The following LRRC4C variants were observed in gnomAD, a reference collection of about 807,000 sequenced individuals.
LRRC4C encodes leucine-rich repeat-containing protein 4C.
Under a neutral mutation model 33.6 loss-of-function variants are expected in LRRC4C, and 5 were observed. The ratio of observed to expected loss-of-function variants is 0.15; its 90% CI spans 0.08 to 0.31. The LOEUF (loss-of-function observed/expected upper bound fraction) is 0.31. Among genes scored for constraint, LRRC4C ranks in the 10% least tolerant of loss-of-function variants. The probability of loss-of-function intolerance (pLI) is 1.00; values close to 1 mark genes in which losing one functional copy is unlikely to be tolerated. For missense variants in LRRC4C, 560 were observed against 796.7 expected, an observed-to-expected ratio of 0.70 and a Z score of 3.58; for synonymous variants, 329 against 302.0, an observed-to-expected ratio of 1.09 and a Z score of -0.93.
At chr11:41,370,078 G>A (rs1311234215) in intron 1 of LRRC4C, among the ~76,000 whole-genome samples, 1 of 152,176 alleles carries the variant, frequency 6.6e-6, no homozygotes, top group African/African-American at 2.4e-5. Flanking sequence ...TATATCACAT[G>A]CATTAACATA....
chr11:40,623,080 C>A (rs971888199), intron 3 of LRRC4C, among the ~76,000 whole-genome samples: 1 of 151,500 alleles, frequency 6.6e-6, no homozygotes. Context: ...ACTACAGGAG[C>A]TCTATGTTGT....
chr11:40,547,418 G>A (rs1393304699), intron 3 of LRRC4C, among the ~76,000 whole-genome samples: 1 of 152,028 alleles, frequency 6.6e-6, no homozygotes, highest in Non-Finnish European at 1.5e-5. Flanking sequence ...TGGTACGCAA[G>A]GGTTACAAGC....
chr11:40,266,784 A>G (rs943624711), intron 4 of LRRC4C, among the ~76,000 whole-genome samples: 8 of 152,202 alleles, frequency 5.3e-5, no homozygotes, highest in Non-Finnish European at 8.8e-5. Context: ...AGCTTGCCCA[A>G]TGGAGTATAG....
At chr11:40,365,335 A>T (rs1948159040) in intron 3 of LRRC4C, among the ~76,000 whole-genome samples, 1 of 152,124 alleles carries the variant, frequency 6.6e-6, no homozygotes, top group African/African-American at 2.4e-5. Flanking sequence ...TACACTAAAA[A>T]TATGAAGTCA....
intron 2 of LRRC4C, among the ~76,000 whole-genome samples, chr11:40,668,062 T>C (rs2136252528): frequency 6.6e-6 from 1 of 152,344 alleles, no homozygotes; most frequent in Non-Finnish European, 1.5e-5. Context: ...GCCCCCACTG[T>C]GAATAAATTG....
chr11:41,408,925 C>T (rs1235664308), intron 1 of LRRC4C, among the ~76,000 whole-genome samples: 4 of 152,054 alleles, frequency 2.6e-5, no homozygotes, highest in South Asian at 2.1e-4. Context: ...TGATCACAGG[C>T]GACTTCATTA....
At chr11:40,170,287 A>C (rs1859936481) in intron 5 of LRRC4C, among the ~76,000 whole-genome samples, 1 of 152,208 alleles carries the variant, frequency 6.6e-6, no homozygotes, top group African/African-American at 2.4e-5. Flanking sequence ...AGAGTTGCAC[A>C]TTAACTTGGA....
chr11:41,351,104 G>A (rs896225813), intron 1 of LRRC4C, among the ~76,000 whole-genome samples: 8 of 152,208 alleles, frequency 5.3e-5, no homozygotes, highest in Middle Eastern at 3.4e-3. Flanking sequence ...ACCATGGTGT[G>A]TGCCTTTAAT....
rs138518129 is a variant in LRRC4C at position 40,436,883 on chromosome 11, T to C, written c.-269-117162A>G. ...TCTGGTTGCTTACTGATCGAAAGCC[T>C]GACTGAGAGGCTGTTAGAGATGTAA... On this transcript the variant is annotated intron_variant, in intron 3 of 6. Coordinates refer to ENST00000528697, the MANE Select transcript of LRRC4C (RefSeq NM_001258419.2). Among the ~76,000 whole-genome samples the C allele has an allele frequency of 3.5e-3, 531 of 152,156 alleles. 3 individuals are homozygous for C. Among genetic ancestry groups the C allele is most frequent in the Non-Finnish European group, 5.3e-3 (358 of 67,990 alleles).
rs1251250387 is a variant in LRRC4C, at chr11:41,437,726, G to C, written c.-496+21705C>G. 2.0e-5 allele frequency among the ~76,000 whole-genome samples: 3 copies of C among 152,084 alleles called. No individual in the cohort carries two copies. In the East Asian group the frequency reaches 5.8e-4, roughly 29 times the overall value. On this transcript the variant is annotated intron_variant, in intron 1 of 6. Coordinates refer to ENST00000528697, the MANE Select transcript of LRRC4C (RefSeq NM_001258419.2). ...CTTTTTTGCGCTAAAGAGTATGTTG[G>C]ACCTGGGGGCAAAAGATAATTACAA... is the stretch of plus-strand genomic sequence containing the variant.
intron 1 of LRRC4C, among the ~76,000 whole-genome samples, chr11:40,961,149 G>T (rs1277190115): frequency 6.6e-6 from 1 of 151,714 alleles, no homozygotes; most frequent in Non-Finnish European, 1.5e-5. Flanking sequence ...AGCTGTATAA[G>T]TTATTACAAA....
intron 1 of LRRC4C, among the ~76,000 whole-genome samples, chr11:41,425,967 T>A (rs80185249): frequency 6.6e-6 from 1 of 152,122 alleles, no homozygotes; most frequent in Admixed American, 6.6e-5. Context: ...CAGTCACATA[T>A]TGTAGAAAGC....
intron 3 of LRRC4C, among the ~76,000 whole-genome samples, chr11:40,355,627 C>T (rs1167973432): frequency 6.6e-6 from 1 of 152,166 alleles, no homozygotes; most frequent in Non-Finnish European, 1.5e-5. Context: ...TTAAGTTCCA[C>T]ACACAATGCA....
At chr11:40,755,816 AC>A (rs1457418990) in intron 2 of LRRC4C, among the ~76,000 whole-genome samples, 1 of 152,220 alleles carries the variant, frequency 6.6e-6, no homozygotes, top group Admixed American at 6.5e-5. Context: ...CAAAATAAAA[AC>A]AAGATTTGAG....
chr11:40,768,641 T>C (rs1281092546), intron 2 of LRRC4C, among the ~76,000 whole-genome samples: 1 of 152,134 alleles, frequency 6.6e-6, no homozygotes, highest in Non-Finnish European at 1.5e-5. Flanking sequence ...TCATTCACTA[T>C]GACCAAGTGG....
intron 2 of LRRC4C, among the ~76,000 whole-genome samples, chr11:40,825,951 C>T (rs113926941): frequency 5.9e-4 from 7 of 11,904 alleles, no homozygotes; most frequent in Admixed American, 3.3e-3. Flanking sequence ...GGGGGGGGGG[C>T]GTCTCACATA....
At chr11:40,963,376 A>G (rs985072628) in intron 1 of LRRC4C, among the ~76,000 whole-genome samples, 2 of 151,758 alleles carry the variant, frequency 1.3e-5, no homozygotes, top group African/African-American at 4.8e-5. Context: ...TCCTCAAATA[A>G]GTCTCATCAA....
chr11:41,293,090 T>C (rs147025013), intron 1 of LRRC4C, among the ~76,000 whole-genome samples: 81 of 152,278 alleles, frequency 5.3e-4, no homozygotes, highest in African/African-American at 1.9e-3. Context: ...TAGAGGGACA[T>C]TGAATCCCAG....
At chr11:40,448,172 T>C (rs906349656) in intron 3 of LRRC4C, among the ~76,000 whole-genome samples, 1 of 152,158 alleles carries the variant, frequency 6.6e-6, no homozygotes, top group Non-Finnish European at 1.5e-5. Flanking sequence ...CCCTGCCTGA[T>C]TGGAATGCCT....
Sources: gnomAD v4.1 joint callset for allele counts (sites outside exome capture counted in the v4.1 genomes callset) on GRCh38, gnomAD v4.1.1 for gene constraint, MANE v1.5 for transcripts, NCBI Gene and HGNC (gene_info 2026-07-23, HGNC 2026-07-21) for gene names.